Variants in FOXN4 observed in about 807,000 individuals in gnomAD.
FOXN4 encodes forkhead box protein N4.
Under a neutral mutation model 45.0 loss-of-function variants are expected in FOXN4, and 12 were observed. The observed-to-expected ratio is 0.27, with a 90% confidence interval of 0.17 to 0.43. The LOEUF is 0.43. Ranked by LOEUF, FOXN4 falls within the 20% of genes least tolerant of loss-of-function variation. The pLI is 1.00. For synonymous variants in FOXN4, 297 were observed against 295.0 expected, an observed-to-expected ratio of 1.01 and a Z score of -0.07; for missense variants, 560 against 694.9, an observed-to-expected ratio of 0.81 and a Z score of 2.18.
At chr12:109,282,426 T>G (rs1356645090) in intron 8 of FOXN4, among the ~76,000 whole-genome samples, 2 of 151,876 alleles carry the variant, frequency 1.3e-5, no homozygotes, top group Non-Finnish European at 2.9e-5. Context: ...CCAGCCTGGG[T>G]GATAGAGCAA....
At chr12:109,286,590 G>A in intron 7 of FOXN4, 58 bp downstream of exon 7, 1 of 1,534,246 alleles carries the variant, frequency 6.5e-7, no homozygotes, top group Non-Finnish European at 8.8e-7. Context: ...CTGGATTCTG[G>A]CAGCACCAGG....
intron 9 of FOXN4, among the ~76,000 whole-genome samples, chr12:109,281,021 C>T (rs185734117): frequency 4.7e-4 from 71 of 152,314 alleles, no homozygotes; most frequent in African/African-American, 1.6e-3. Context: ...GCCTCAGTTT[C>T]CTCATTGGCA....
Position 109,281,690 on chromosome 12 carries a change from C to A in FOXN4, c.1011G>T (p.Ala337=). The change falls in exon 9 of 10, where the codon GCG becomes GCT. Residue 337 remains alanine (A), a synonymous_variant. Coordinates refer to ENST00000299162, the MANE Select transcript of FOXN4 (RefSeq NM_213596.3). The stretch of plus-strand genomic sequence containing the variant: ...GCTGGGAGACAGCCAGGCAGCCATG[C>A]GCCACGGCCACTGTGGTGGCGTGAG... The part of the protein sequence containing the change: ...VLTHATTVAV[A]HGCLAVSQLP... 6.2e-7 allele frequency: 1 copy of A among 1,610,352 alleles called. No homozygotes were observed. Among genetic ancestry groups the A allele is most frequent in the Non-Finnish European group, 8.5e-7 (1 of 1,178,802 alleles).
chr12:109,303,703 G>A (rs902522714), intron 2 of FOXN4, among the ~76,000 whole-genome samples: 3 of 152,144 alleles, frequency 2.0e-5, no homozygotes, highest in African/African-American at 4.8e-5. Context: ...CCTGCCTTCC[G>A]TCATCTCACT....
intron 9 of FOXN4, 72 bp from the exon 10 acceptor site, chr12:109,280,002 G>C: frequency 6.3e-7 from 1 of 1,590,580 alleles, no homozygotes; most frequent in Non-Finnish European, 8.6e-7. Context: ...CCCCATCTTA[G>C]GGAAGAGGCA....
intron 2 of FOXN4, among the ~76,000 whole-genome samples, chr12:109,302,164 C>G (rs1269813514): frequency 3.9e-5 from 6 of 152,224 alleles, no homozygotes; most frequent in South Asian, 4.1e-4. Context: ...CATTACAAGA[C>G]CCATAGCAGC....
chr12:109,302,744 A>G (rs925050568), intron 2 of FOXN4, among the ~76,000 whole-genome samples: 4 of 152,076 alleles, frequency 2.6e-5, no homozygotes, highest in African/African-American at 7.2e-5. Context: ...TGGGGGTTAG[A>G]TCACCATTCC....
chr12:109,287,116 A>G lies in FOXN4; in HGVS notation c.596+281T>C, dbSNP rs2047719900. Among the ~76,000 whole-genome samples, 1 of 152,168 alleles carries G rather than the reference A, an allele frequency of 6.6e-6. No individual in the cohort carries two copies. The highest frequency in any genetic ancestry group is 2.4e-5 in the African/African-American group (1 of 41,434). On this transcript the variant is annotated intron_variant, in intron 6 of 9. Coordinates refer to ENST00000299162, the MANE Select transcript of FOXN4 (RefSeq NM_213596.3). This position sits in a 1 kb window ranked among gnomAD's most constrained non-coding sequence, Gnocchi z 4.1. ...TTGATGACTTTTTACATTTGGGGAA[A>G]TCGAGGCTCAGAGAGGTCATCCCAC...
chr12:109,282,448 T>TA (rs920026527), intron 8 of FOXN4, among the ~76,000 whole-genome samples: 21 of 149,230 alleles, frequency 1.4e-4, no homozygotes, highest in Middle Eastern at 3.4e-3. Context: ...ACCCTGCCTT[T>TA]AAAAAAAAAA....
intron 8 of FOXN4, among the ~76,000 whole-genome samples, chr12:109,284,573 G>GTGTGTGTGCGCGCA (rs1565998033): frequency 1.0e-4 from 15 of 149,786 alleles, no homozygotes; most frequent in Non-Finnish European, 2.1e-4. Context: ...GTGTGCGTGC[G>GTGTGTGTGCGCGCA]TGTGTGTGTG....
Position 109,285,319 on chromosome 12 carries a change from T to C in FOXN4, c.886A>G (p.Ser296Gly). The C allele has an allele frequency of 6.2e-7, 1 of 1,610,420 alleles. No homozygotes were observed. The highest frequency in any genetic ancestry group is 8.5e-7 in the Non-Finnish European group (1 of 1,178,702). ...CGGCCCTCACCAGGGTTGGCCATAC[T>C]CCGGTGGATGGCAGCCAGGTCCTTC... ...KRKDLAAIHR[S>G]MANPEELDKL... Residue 296 changes from serine to glycine, a missense_variant, in exon 8 of 10, where the codon AGT becomes GGT. Physicochemically the swap from Ser to Gly is moderately conservative, Grantham distance 56. Transcript: ENST00000299162.
intron 8 of FOXN4, among the ~76,000 whole-genome samples, chr12:109,282,941 G>A (rs944468673): frequency 5.9e-5 from 9 of 151,796 alleles, no homozygotes; most frequent in Admixed American, 6.6e-5. Context: ...CAGAGCTCTC[G>A]GTGGGGTGGG....
intron 2 of FOXN4, among the ~76,000 whole-genome samples, chr12:109,300,661 C>T (rs927078515): frequency 1.3e-5 from 2 of 152,156 alleles, no homozygotes; most frequent in African/African-American, 2.4e-5. Context: ...GTAATCGAAG[C>T]GCTTTGGGAG....
At chr12:109,292,959 C>T (rs2047782866) in intron 2 of FOXN4, among the ~76,000 whole-genome samples, 1 of 152,172 alleles carries the variant, frequency 6.6e-6, no homozygotes, top group African/African-American at 2.4e-5. Flanking sequence ...CTCTTTCCTG[C>T]TACTCGTGAG....
chr12:109,279,707 C>T lies in FOXN4; in HGVS notation c.1518G>A (p.Leu506=). The T allele has an allele frequency of 6.3e-7, 1 of 1,574,834 alleles. No homozygotes were observed. Among genetic ancestry groups the T allele is most frequent in the Non-Finnish European group, 8.6e-7 (1 of 1,160,900 alleles). Residue 506 remains leucine (L), a synonymous_variant, in exon 10 of 10, where the codon CTG becomes CTA. Coordinates refer to ENST00000299162, the MANE Select transcript of FOXN4 (RefSeq NM_213596.3). Reference sequence around the variant, plus strand: ...CTATAGGCTTGTTCCCCTGTGCACCCAGGTACTGGGAGGAGGAGCTGGTGC... The same window carrying T: ...CTATAGGCTTGTTCCCCTGTGCACCTAGGTACTGGGAGGAGGAGCTGGTGC... The part of the protein sequence containing the change: ...ASGTSSSSQY[L]GAQGNKPIAL...
chr12:109,283,475 CTTTTT>C (rs5800847), intron 8 of FOXN4, among the ~76,000 whole-genome samples: 2 of 129,696 alleles, frequency 1.5e-5, no homozygotes, highest in African/African-American at 2.9e-5. Flanking sequence ...TGTTTGAGAA[CTTTTT>C]TTTTTTTTTT....
chr12:109,285,083 T>C (rs2047693370), intron 8 of FOXN4, among the ~76,000 whole-genome samples: 1 of 151,368 alleles, frequency 6.6e-6, no homozygotes, highest in Non-Finnish European at 1.5e-5. Context: ...CTCACTGGGG[T>C]TGCCCATGCT....
chr12:109,285,245 G>A (rs926161802), intron 8 of FOXN4, 59 bp downstream of exon 8: 56 of 503,154 alleles, frequency 1.1e-4, no homozygotes, highest in Middle Eastern at 7.4e-4. Flanking sequence ...TTCCTCTTCC[G>A]TGTGTGTGTG....
Position 109,281,573 on chromosome 12 carries a change from T to C in FOXN4, c.1128A>G (p.Pro376=), listed in dbSNP as rs761640447. 8 of 1,606,056 alleles carry C rather than the reference T, an allele frequency of 5.0e-6. No individual in the cohort carries two copies. The African/African-American group carries it at 1.1e-4, about 21-fold the overall frequency. The change falls in exon 9 of 10, where the codon CCA becomes CCG. Residue 376 remains proline (P), a synonymous_variant. Transcript: ENST00000299162. ...QPQAHLAPDS[P]APAQTPPLHA... ...GCAGTGGCGGGGTCTGGGCTGGTGC[T>C]GGAGAGTCTGGAGCAAGATGTGCCT...
Sources: gnomAD v4.1 joint callset for allele counts (sites outside exome capture counted in the v4.1 genomes callset) on GRCh38, gnomAD v4.1.1 for gene constraint, Gnocchi (gnomAD v3.1) non-coding constraint, MANE v1.5 for transcripts, NCBI Gene and HGNC (gene_info 2026-07-23, HGNC 2026-07-21) for gene names.